MTOR: variants seen among roughly 807,000 people sequenced by gnomAD.
MTOR encodes the protein serine/threonine-protein kinase mTOR.
MTOR carries 70 observed loss-of-function variants against 319.8 expected under a neutral mutation model. The observed-to-expected ratio is 0.22, with a 90% CI of 0.18 to 0.27. The LOEUF (loss-of-function observed/expected upper bound fraction) is 0.27. Ranked by LOEUF, MTOR falls within the 10% of genes least tolerant of loss-of-function variation. MTOR has a pLI of 1.00. For missense variants in MTOR, 1,890 were observed against 3,274.4 expected, an observed-to-expected ratio of 0.58 and a Z score of 10.32; for synonymous variants, 1,183 against 1,211.4, an observed-to-expected ratio of 0.98 and a Z score of 0.49.
intron 19 of MTOR, among the ~76,000 whole-genome samples, chr1:11,228,345 C>T (rs960419033): frequency 5.9e-5 from 9 of 152,030 alleles, no homozygotes; most frequent in Non-Finnish European, 8.8e-5. Flanking sequence ...TGCACCATCA[C>T]GCATGGCTAA....
chr1:11,233,273 G>A, intron 15 of MTOR, 125 bp downstream of exon 15: 1 of 886,056 alleles, frequency 1.1e-6, no homozygotes, highest in Non-Finnish European at 1.8e-6. Flanking sequence ...ATGCATTGTT[G>A]GCTGGGTTCC....
At chr1:11,113,048 A>G (rs921443267) in intron 53 of MTOR, 131 bp from the exon 54 acceptor site, 10 of 922,230 alleles carry the variant, frequency 1.1e-5, no homozygotes, top group African/African-American at 1.6e-5. Flanking sequence ...GATGACAGAC[A>G]TATTACTCAG....
intron 28 of MTOR, among the ~76,000 whole-genome samples, chr1:11,186,986 G>A (rs998498705): frequency 6.6e-6 from 1 of 152,184 alleles, no homozygotes; most frequent in Non-Finnish European, 1.5e-5. Context: ...TCATGCTAAA[G>A]GCTAGATGCT....
intron 47 of MTOR, among the ~76,000 whole-genome samples, chr1:11,124,013 C>T (rs970019226): frequency 6.6e-6 from 1 of 152,200 alleles, no homozygotes; most frequent in South Asian, 2.1e-4. Flanking sequence ...GTCTCGAACT[C>T]CTGACCTCAA....
chr1:11,229,273 G>A (rs949661923), intron 18 of MTOR, among the ~76,000 whole-genome samples: 1 of 152,124 alleles, frequency 6.6e-6, no homozygotes, highest in Non-Finnish European at 1.5e-5. Flanking sequence ...AAAGTAAAGG[G>A]AATTAAATTA....
rs2100431716 is a variant in MTOR at position 11,130,658 on chromosome 1, G to A, written c.5484C>T (p.Ala1828=). Residue 1828 remains alanine, a synonymous_variant, in exon 39 of 58, where the codon GCC becomes GCT. Transcript: ENST00000361445. ...TGGCGGCCGTGGTGGCGGCAGTGGT[G>A]GCGTTGGTGATGTTGGCCCCGCTGG... ...RHASGANITN[A]TTAATTAATA... 6.2e-7 allele frequency: 1 copy of A among 1,613,100 alleles called. No homozygotes were observed. Among genetic ancestry groups the A allele is most frequent in the Non-Finnish European group, 8.5e-7 (1 of 1,179,506 alleles).
rs386366225 is a variant in MTOR at position 11,207,409 on chromosome 1, CTTTTTTTT to C, written c.3801+1895_3801+1902del. The stretch of plus-strand genomic sequence containing the variant: ...AGCCACTGCACCTGGCCCCCTACCT[CTTTTTTTT>C]TTTTTTTTTTGAAGAGAATCTTGCT... On this transcript the variant is annotated intron_variant, in intron 25 of 57. Transcript: ENST00000361445. 2.1e-3 allele frequency among the ~76,000 whole-genome samples: 241 copies of C among 114,170 alleles called. 3 individuals are homozygous for C. Among genetic ancestry groups the C allele is most frequent in the African/African-American group, 7.0e-3 (219 of 31,156 alleles). The allele number at this position is 114,170 out of a possible 152,430, so 74.9% of individuals were successfully genotyped here.
intron 6 of MTOR, 141 bp downstream of exon 6, chr1:11,253,698 C>T (rs1649998387): frequency 1.0e-6 from 1 of 956,910 alleles, no homozygotes. Flanking sequence ...GAACTTGCTG[C>T]TATCTGAAAT....
intron 8 of MTOR, among the ~76,000 whole-genome samples, chr1:11,244,296 TAAA>T (rs35865993): frequency 1.3e-4 from 12 of 88,980 alleles, no homozygotes; most frequent in African/African-American, 2.1e-4. Context: ...ACATCTCATT[TAAA>T]AAAAAAAAAA....
intron 28 of MTOR, among the ~76,000 whole-genome samples, chr1:11,179,656 G>C (rs1645086602): frequency 6.6e-6 from 1 of 152,212 alleles, no homozygotes. Flanking sequence ...CTGTTACAGT[G>C]ACCCTGGGGG....
intron 57 of MTOR, among the ~76,000 whole-genome samples, chr1:11,107,905 C>T (rs1641656374): frequency 1.3e-5 from 2 of 152,218 alleles, no homozygotes; most frequent in African/African-American, 4.8e-5. Flanking sequence ...AAAGGAACCC[C>T]TCACAAACAA....
chr1:11,155,150 T>C (rs1006903192), intron 30 of MTOR, among the ~76,000 whole-genome samples: 1 of 152,188 alleles, frequency 6.6e-6, no homozygotes, highest in Non-Finnish European at 1.5e-5. Flanking sequence ...AGGAAATGTC[T>C]AAACAAATAA....
In MTOR at chr1:11,238,583, C is replaced by T. The variant is rs55881943; in HGVS notation, c.1821G>A (p.Ala607=). 2.2e-4 allele frequency: 353 copies of T among 1,613,488 alleles called. No individual in the cohort carries two copies. The East Asian group carries it at 2.4e-3, about 11-fold the overall frequency. Residue 607 remains alanine (A), a synonymous_variant, in exon 12 of 58, where the codon GCG becomes GCA. Coordinates refer to ENST00000361445, the MANE Select transcript of MTOR (RefSeq NM_004958.4). ...TGTGCTCACTGTTCAGGAAATGATC[C>T]GCACAGTGGCGAACAAATTGGGTCA... ...HSLTQFVRHC[A]DHFLNSEHKE...
At chr1:11,220,600 A>G (rs1646631074) in intron 19 of MTOR, among the ~76,000 whole-genome samples, 1 of 152,198 alleles carries the variant, frequency 6.6e-6, no homozygotes, top group Non-Finnish European at 1.5e-5. Flanking sequence ...ACATAAAACG[A>G]CAATAATGTT....
chr1:11,229,547 GC>G (rs1646951873), intron 18 of MTOR, among the ~76,000 whole-genome samples: 1 of 152,212 alleles, frequency 6.6e-6, no homozygotes, highest in African/African-American at 2.4e-5. Context: ...GCTCTCAACA[GC>G]TATGGGGCTG....
chr1:11,135,289 C>G (rs1395097826), intron 36 of MTOR, among the ~76,000 whole-genome samples: 1 of 151,322 alleles, frequency 6.6e-6, no homozygotes, highest in Non-Finnish European at 1.5e-5. Flanking sequence ...GGGGGAAAAC[C>G]CACAAATAGA....
At position 11,184,777 on chromosome 1, in the gene MTOR, G is replaced by A. The variant is rs534975263; in HGVS notation, c.4253+14481C>T. On this transcript the variant is annotated intron_variant, in intron 28 of 57. Transcript: ENST00000361445. ...AAAAAAATTGTTTGGCAATTACCAA[G>A]GCCACTTTCCTGGTGGAACTCAGGA... 2.0e-5 allele frequency among the ~76,000 whole-genome samples: 3 copies of A among 152,228 alleles called. No homozygotes were observed. In the East Asian group the frequency reaches 5.8e-4, roughly 29 times the overall value.
At chr1:11,169,753 G>A (rs570455007) in intron 28 of MTOR, among the ~76,000 whole-genome samples, 69 of 152,246 alleles carry the variant, frequency 4.5e-4, no homozygotes, top group African/African-American at 1.6e-3. Flanking sequence ...TTTTTTGAAT[G>A]TAAATTCCTT....
In MTOR at chr1:11,129,576, A is replaced by G. The variant is rs1020720393; in HGVS notation, c.5714+162T>C. On this transcript the variant is annotated intron_variant, in intron 40 of 57. Coordinates refer to ENST00000361445, the MANE Select transcript of MTOR (RefSeq NM_004958.4). The surrounding 1 kb of genome is among the most constrained non-coding windows in gnomAD (Gnocchi z 4.7). ...GGTTTCACCCACACAGGTGGGGCCC[A>G]GTCAGCTGTTACTCCTTAAATGCAG... Among the ~76,000 whole-genome samples the G allele has an allele frequency of 3.3e-5, 5 of 152,230 alleles. No homozygotes were observed. Among genetic ancestry groups the G allele is most frequent in the African/African-American group, 1.2e-4 (5 of 41,468 alleles).
Sources: allele counts gnomAD v4.1 joint callset (sites outside exome capture counted in the v4.1 genomes callset), GRCh38; gene constraint gnomAD v4.1.1; non-coding constraint Gnocchi (gnomAD v3.1); transcripts MANE v1.5; gene names NCBI Gene and HGNC (gene_info 2026-07-23, HGNC 2026-07-21).